Variants in THEMIS observed in about 807,000 individuals in gnomAD.
THEMIS encodes the protein thymocyte selection associated, also known as protein THEMIS.
A neutral mutation model predicts 52.6 loss-of-function variants in THEMIS; 37 were observed. The observed-to-expected ratio is 0.70, with a 90% confidence interval of 0.54 to 0.93. The LOEUF is 0.93. THEMIS is among the 40% of genes least tolerant of loss of function. The probability of loss-of-function intolerance (pLI) is 0.00; values close to 1 mark genes in which losing one functional copy is unlikely to be tolerated. For missense variants in THEMIS, 808 were observed against 763.1 expected (o/e 1.06, Z -0.69); for synonymous variants, 292 against 272.7 (o/e 1.07, Z -0.70).
At chr6:127,744,598 A>G (rs1170610155) in intron 4 of THEMIS, among the ~76,000 whole-genome samples, 1 of 152,028 alleles carries the variant, frequency 6.6e-6, no homozygotes, top group Non-Finnish European at 1.5e-5. Context: ...ATACTGCATG[A>G]TTCCACTTAC....
At chr6:127,871,703 T>A (rs1780161875) in intron 1 of THEMIS, among the ~76,000 whole-genome samples, 1 of 152,014 alleles carries the variant, frequency 6.6e-6, no homozygotes, top group Admixed American at 6.6e-5. Flanking sequence ...AATAAACCAG[T>A]TCCTCCAAAA....
intron 4 of THEMIS, among the ~76,000 whole-genome samples, chr6:127,805,480 C>T (rs558563138): frequency 2.0e-5 from 3 of 152,080 alleles, no homozygotes; most frequent in South Asian, 2.1e-4. Context: ...ATGGGCCCTC[C>T]GGTCTCTTAA....
intron 4 of THEMIS, among the ~76,000 whole-genome samples, chr6:127,780,688 G>GA (rs1333268734): frequency 2.0e-5 from 3 of 152,162 alleles, no homozygotes; most frequent in African/African-American, 7.2e-5. Flanking sequence ...ATTCTGGGTT[G>GA]AAAATTCTTT....
At chr6:127,741,894 A>C (rs956376339) in intron 4 of THEMIS, among the ~76,000 whole-genome samples, 3 of 152,234 alleles carry the variant, frequency 2.0e-5, no homozygotes, top group Non-Finnish European at 4.4e-5. Flanking sequence ...AGAACAAGTG[A>C]AAACAATTTA....
At position 127,719,678 on chromosome 6, in the gene THEMIS, A is replaced by G. The variant is rs1279077290; in HGVS notation, c.1894+10T>C. ...ACCGTGGTTTAACTGACCTATAGTC[A>G]CATCAGTACCTGCTATTGCTGTGGC... is the stretch of plus-strand genomic sequence containing the variant. On this transcript the variant is annotated intron_variant, in intron 5 of 5. Transcript: ENST00000368248. 1 of 1,601,126 alleles carries G rather than the reference A, an allele frequency of 6.2e-7. No homozygotes were observed. Among genetic ancestry groups the G allele is most frequent in the Admixed American group, 1.8e-5 (1 of 57,136 alleles).
In THEMIS at chr6:127,709,893, T is replaced by C. The variant is rs1285047356; in HGVS notation, c.*92A>G. On this transcript the variant is annotated 3_prime_UTR_variant, in exon 6 of 6. Transcript: ENST00000368248. Reference sequence around the variant, plus strand: ...TGAATCAAGTTTCTTCTGGAGTCCATTGGGGAATACTCGTTTTTCAGCTAG... The same window carrying C: ...TGAATCAAGTTTCTTCTGGAGTCCACTGGGGAATACTCGTTTTTCAGCTAG... 9 of 1,119,872 alleles carry C rather than the reference T, an allele frequency of 8.0e-6. No homozygotes were observed. The highest frequency in any genetic ancestry group is 7.3e-5 in the East Asian group (3 of 40,872). The allele number at this position is 1,119,872 out of a possible 1,614,324, so 69.4% of individuals were successfully genotyped here. A position where few individuals can be genotyped will look rare whatever the true frequency, so the allele number is the denominator to read the frequency against.
intron 4 of THEMIS, among the ~76,000 whole-genome samples, chr6:127,777,004 A>G (rs1776587347): frequency 6.6e-6 from 1 of 151,996 alleles, no homozygotes; most frequent in East Asian, 1.9e-4. Context: ...TTACAATTAT[A>G]TATATATATT....
chr6:127,880,896 AG>A (rs2114427640), intron 1 of THEMIS, among the ~76,000 whole-genome samples: 1 of 152,292 alleles, frequency 6.6e-6, no homozygotes, highest in South Asian at 2.1e-4. Context: ...CCTGTGAAAA[AG>A]TATTTCATTT....
chr6:127,900,263 A>G (rs1415468573), intron 1 of THEMIS, among the ~76,000 whole-genome samples: 1 of 151,988 alleles, frequency 6.6e-6, no homozygotes, highest in Non-Finnish European at 1.5e-5. Flanking sequence ...AGTTTAATTG[A>G]ACTCTGAGTT....
rs111581559 is a variant in THEMIS at position 127,768,164 on chromosome 6, A to C, written c.1758+44719T>G. Among the ~76,000 whole-genome samples, 37 of 152,336 alleles carry C rather than the reference A, an allele frequency of 2.4e-4. 1 individual carries two copies. The highest frequency in any genetic ancestry group is 8.4e-4 in the African/African-American group (35 of 41,556). On this transcript the variant is annotated intron_variant, in intron 4 of 5. Coordinates refer to ENST00000368248, the MANE Select transcript of THEMIS (RefSeq NM_001010923.3). ...TACATCTGAGGCTAGATATTTAATAATTTTTAATTCACACAGATTATAAAT... is the reference window on the plus strand; with the variant it reads ...TACATCTGAGGCTAGATATTTAATACTTTTTAATTCACACAGATTATAAAT...
chr6:127,800,618 G>A (rs1777499338), intron 4 of THEMIS, among the ~76,000 whole-genome samples: 1 of 152,218 alleles, frequency 6.6e-6, no homozygotes, highest in Non-Finnish European at 1.5e-5. Flanking sequence ...TGCCAAAGGA[G>A]GTTAACGTTT....
chr6:127,780,746 G>A (rs1041390513), intron 4 of THEMIS, among the ~76,000 whole-genome samples: 1 of 152,138 alleles, frequency 6.6e-6, no homozygotes, highest in Non-Finnish European at 1.5e-5. Context: ...TGGCTTATAG[G>A]GTTTCTGCAG....
intron 1 of THEMIS, among the ~76,000 whole-genome samples, chr6:127,896,684 G>C (rs919616225): frequency 1.3e-4 from 20 of 151,482 alleles, no homozygotes; most frequent in Admixed American, 1.2e-3. Flanking sequence ...GAGAGAACTT[G>C]TTCTAAAGCA....
At chr6:127,868,840 T>C (rs1583375479) in intron 1 of THEMIS, among the ~76,000 whole-genome samples, 1 of 152,148 alleles carries the variant, frequency 6.6e-6, no homozygotes, top group East Asian at 1.9e-4. Flanking sequence ...TAAACTTCAT[T>C]TGCTTATGTG....
intron 4 of THEMIS, among the ~76,000 whole-genome samples, chr6:127,765,088 T>C (rs371452911): frequency 6.6e-6 from 1 of 152,118 alleles, no homozygotes; most frequent in East Asian, 1.9e-4. Flanking sequence ...TTATAGCACA[T>C]AATTTCTTTC....
At chr6:127,894,910 T>G (rs1780918069) in intron 1 of THEMIS, among the ~76,000 whole-genome samples, 1 of 150,796 alleles carries the variant, frequency 6.6e-6, no homozygotes, top group Non-Finnish European at 1.5e-5. Flanking sequence ...GTAAAAATCC[T>G]AAATATAATA....
chr6:127,721,490 T>G (rs1301743785), intron 4 of THEMIS, among the ~76,000 whole-genome samples: 1 of 151,932 alleles, frequency 6.6e-6, no homozygotes, highest in African/African-American at 2.4e-5. Context: ...TAAAATAGAG[T>G]GTGGTAAGTC....
chr6:127,852,913 C>T (rs1235053480), intron 2 of THEMIS, among the ~76,000 whole-genome samples: 1 of 151,536 alleles, frequency 6.6e-6, no homozygotes, highest in Non-Finnish European at 1.5e-5. Context: ...CAAATTGTCA[C>T]TTAATAGATG....
intron 1 of THEMIS, among the ~76,000 whole-genome samples, chr6:127,869,669 C>T (rs1038223351): frequency 6.6e-6 from 1 of 152,134 alleles, no homozygotes; most frequent in African/African-American, 2.4e-5. Flanking sequence ...ATACATTTTC[C>T]TACCATCATA....
Sources: allele counts gnomAD v4.1 joint callset (sites outside exome capture counted in the v4.1 genomes callset), GRCh38; gene constraint gnomAD v4.1.1; transcripts MANE v1.5; gene names NCBI Gene and HGNC (gene_info 2026-07-23, HGNC 2026-07-21).